The following PRKAR1A variants were observed in gnomAD, a reference collection of about 807,000 sequenced individuals.
PRKAR1A encodes cAMP-dependent protein kinase type I-alpha regulatory subunit.
In PRKAR1A, 3 loss-of-function variants were observed where a neutral mutation model predicts 52.0. That is an observed-to-expected ratio of 0.06 (90% CI 0.03 to 0.15). The LOEUF is 0.15. Among genes scored for constraint, PRKAR1A ranks in the 10% least tolerant of loss-of-function variants. PRKAR1A has a pLI of 1.00. For synonymous variants in PRKAR1A, 188 were observed against 168.4 expected (o/e 1.12, Z -0.90); for missense variants, 240 against 477.4 (o/e 0.50, Z 4.63).
chr17:68,535,391 T>G, downstream of PRKAR1A: 1 of 454,110 alleles, frequency 2.2e-6, no homozygotes, highest in Admixed American at 2.3e-5. Context: ...TCCTTCGTTA[T>G]AGGAGGTGGC....
At chr17:68,472,281 C>T in the PRKAR1A span, among the ~76,000 whole-genome samples, 16 of 152,274 alleles carry the variant, frequency 1.1e-4, no homozygotes, top group African/African-American at 3.1e-4. Context: ...CTATGACTCT[C>T]GAAGCTCTCA....
chr17:68,544,383 G>GTT (rs1420747941), intron 11 of PRKAR1A, among the ~76,000 whole-genome samples: 1 of 152,162 alleles, frequency 6.6e-6, no homozygotes, highest in Non-Finnish European at 1.5e-5. Context: ...CCTGCTGGGT[G>GTT]TGTACATTCA....
chr17:68,458,076 C>T, the PRKAR1A span, among the ~76,000 whole-genome samples: 1 of 152,166 alleles, frequency 6.6e-6, no homozygotes, highest in Non-Finnish European at 1.5e-5. Context: ...AAAGCCCCAC[C>T]CTTTTGTCGA....
the PRKAR1A span, among the ~76,000 whole-genome samples, chr17:68,486,503 T>C: frequency 2.6e-5 from 1 of 39,142 alleles, no homozygotes; most frequent in African/African-American, 9.5e-5. Flanking sequence ...CCTTCCTTCC[T>C]TCCTTCTTTC....
chr17:68,489,232 A>ATAT, the PRKAR1A span, among the ~76,000 whole-genome samples: 1 of 26,560 alleles, frequency 3.8e-5, no homozygotes. Flanking sequence ...ATATATATGG[A>ATAT]AAGTATATAT....
intron 11 of PRKAR1A, chr17:68,540,446 G>A: frequency 2.1e-6 from 1 of 467,376 alleles, no homozygotes; most frequent in Non-Finnish European, 4.3e-6. Context: ...CTCCCTAGAA[G>A]TCCCTGTGGG....
the PRKAR1A span, among the ~76,000 whole-genome samples, chr17:68,478,438 G>A: frequency 1.3e-5 from 2 of 152,166 alleles, no homozygotes; most frequent in Non-Finnish European, 2.9e-5. Flanking sequence ...GCGACAGAGT[G>A]AGACTTCGTC....
chr17:68,464,930 G>GTTT, the PRKAR1A span, among the ~76,000 whole-genome samples: 72 of 143,108 alleles, frequency 5.0e-4, 1 homozygote, highest in South Asian at 1.5e-3. Flanking sequence ...GGAAGTGTGG[G>GTTT]TTTTTTTTTT....
Position 68,528,690 on chromosome 17 carries a change from G to C in PRKAR1A, c.770-180G>C, listed in dbSNP as rs770952929. ...AGTAAGGATCTAAGGGCTATCTGCAGGCAGTATGAGAATCCTGCTCAGACT... is the reference window on the plus strand; with the variant it reads ...AGTAAGGATCTAAGGGCTATCTGCACGCAGTATGAGAATCCTGCTCAGACT... On this transcript the variant is annotated intron_variant, in intron 8 of 10. Coordinates refer to ENST00000589228, the MANE Select transcript of PRKAR1A (RefSeq NM_002734.5). 9 of 751,894 alleles carry C rather than the reference G, an allele frequency of 1.2e-5. No homozygotes were observed. In the Admixed American group the frequency reaches 2.2e-4, roughly 18 times the overall value. The allele number at this position is 751,894 out of a possible 1,614,324, so 46.6% of individuals were successfully genotyped here. A position where few individuals can be genotyped will look rare whatever the true frequency, so the allele number is the denominator to read the frequency against.
At chr17:68,475,545 C>A in the PRKAR1A span, among the ~76,000 whole-genome samples, 44 of 152,320 alleles carry the variant, frequency 2.9e-4, no homozygotes, top group African/African-American at 8.4e-4. Flanking sequence ...CTCACTGCAA[C>A]CTCCACCTTC....
rs574448236 is a variant in PRKAR1A at position 68,530,505 on chromosome 17, C to A, written c.*56C>A. 5.0e-6 allele frequency: 8 copies of A among 1,613,712 alleles called. No individual in the cohort carries two copies. The highest frequency in any genetic ancestry group is 6.8e-6 in the Non-Finnish European group (8 of 1,179,834). On this transcript the variant is annotated 3_prime_UTR_variant, in exon 11 of 11. Transcript: ENST00000589228. ...CTCCCCAATCCATGCTTCACTCATG[C>A]AAACTGCTTTATTTTCCCTACTTGC...
chr17:68,546,701 G>T (rs568720916), intron 11 of PRKAR1A, among the ~76,000 whole-genome samples: 1 of 151,798 alleles, frequency 6.6e-6, no homozygotes, highest in African/African-American at 2.4e-5. Context: ...ATGGTGGCCG[G>T]CGCCTGTAGT....
the PRKAR1A span, among the ~76,000 whole-genome samples, chr17:68,447,984 CAAA>C: frequency 2.7e-3 from 217 of 80,236 alleles, 2 homozygotes; most frequent in African/African-American, 8.7e-3. Flanking sequence ...GACTCTATCT[CAAA>C]AAAAAAAAAA....
chr17:68,497,623 A>C, the PRKAR1A span, among the ~76,000 whole-genome samples: 76 of 152,200 alleles, frequency 5.0e-4, 1 homozygote, highest in Admixed American at 3.0e-3. Context: ...TAAAAATGTG[A>C]TAATTTACCA....
downstream of PRKAR1A, chr17:68,536,743 T>C (rs2086107705): frequency 6.6e-6 from 3 of 453,962 alleles, no homozygotes; most frequent in African/African-American, 2.0e-5. Context: ...CCTTTTTTTT[T>C]CCTTCGTTGT....
chr17:68,437,770 C>A, the PRKAR1A span, among the ~76,000 whole-genome samples: 5 of 151,742 alleles, frequency 3.3e-5, no homozygotes, highest in African/African-American at 1.2e-4. Flanking sequence ...AACCACTGAA[C>A]CAACATAAGC....
chr17:68,530,629 T>C lies in PRKAR1A; in HGVS notation c.*180T>C, dbSNP rs2143394394. On this transcript the variant is annotated 3_prime_UTR_variant, in exon 11 of 11. Transcript: ENST00000589228. ...TCAATTTGGAGCATTAACTAAATGC[T>C]CATACACAGTTAAATAAATAGAAAG... 4 of 1,509,564 alleles carry C rather than the reference T, an allele frequency of 2.6e-6. No homozygotes were observed. In the East Asian group the frequency reaches 7.4e-5, roughly 28 times the overall value. 93.5% of individuals were successfully genotyped at this position (1,509,564 alleles called of 1,614,324 possible).
chr17:68,498,727 T>C, the PRKAR1A span, among the ~76,000 whole-genome samples: 6 of 152,276 alleles, frequency 3.9e-5, no homozygotes, highest in Non-Finnish European at 8.8e-5. Flanking sequence ...GCTTGCTTCC[T>C]GTGCTGGCTC....
At chr17:68,434,471 C>T in the PRKAR1A span, 1 of 1,445,240 alleles carries the variant, frequency 6.9e-7, no homozygotes, top group Non-Finnish European at 9.5e-7. Flanking sequence ...CAGAGCCACT[C>T]TCTGTCCTCT....
Sources: gnomAD v4.1 joint callset for allele counts (sites outside exome capture counted in the v4.1 genomes callset) on GRCh38, gnomAD v4.1.1 for gene constraint, MANE v1.5 for transcripts, NCBI Gene and HGNC (gene_info 2026-07-23, HGNC 2026-07-21) for gene names.